The following RHPN1 variants were observed in gnomAD, a reference collection of about 807,000 sequenced individuals.
RHPN1 encodes rhophilin-1.
In RHPN1, 77 loss-of-function variants were observed where a neutral mutation model predicts 74.7. The observed-to-expected ratio is 1.03, with a 90% confidence interval of 0.86 to 1.25. The LOEUF (loss-of-function observed/expected upper bound fraction) is 1.25, where lower values mean the gene tolerates loss of function less well. RHPN1 is among the 50% of genes most tolerant of loss of function. The probability of loss-of-function intolerance (pLI) is 0.00; values close to 1 mark genes in which losing one functional copy is unlikely to be tolerated. For synonymous variants in RHPN1, 444 were observed against 414.5 expected (o/e 1.07, Z -0.87); for missense variants, 987 against 932.2 (o/e 1.06, Z -0.77).
chr8:143,381,799 C>A lies in RHPN1; in HGVS notation c.1636-8C>A. The A allele has an allele frequency of 6.2e-7, 1 of 1,611,290 alleles. No individual in the cohort carries two copies. The highest frequency in any genetic ancestry group is 8.5e-7 in the Non-Finnish European group (1 of 1,179,070). ...TGTCCCCACCTCACCGTCCAAGTCT[C>A]CCCACAGGCGGCTGGCCTGAAGGAG... On this transcript the variant is annotated splice_polypyrimidine_tract_variant and splice_region_variant and intron_variant, in intron 13 of 14. Transcript: ENST00000289013.
upstream of RHPN1, chr8:143,366,782 A>G (rs1266652490): frequency 6.6e-6 from 1 of 152,240 alleles, no homozygotes; most frequent in African/African-American, 2.4e-5. Context: ...ACAAATACGT[A>G]AGAACTGGAT....
chr8:143,374,362 G>A (rs1233080910), intron 1 of RHPN1: 2 of 969,826 alleles, frequency 2.1e-6, no homozygotes, highest in African/African-American at 1.8e-5. Context: ...AAGAGGTCCT[G>A]TCTCCCGACA....
intron 7 of RHPN1, 67 bp downstream of exon 7, chr8:143,379,145 G>A: frequency 7.0e-6 from 10 of 1,433,650 alleles, no homozygotes; most frequent in Non-Finnish European, 9.1e-6. Flanking sequence ...CCCTTTTGCA[G>A]GGCAGGAGCT....
upstream of RHPN1, among the ~76,000 whole-genome samples, chr8:143,365,506 T>G (rs1817545307): frequency 1.3e-5 from 2 of 152,196 alleles, no homozygotes; most frequent in South Asian, 4.1e-4. Flanking sequence ...GCTGGCGCTG[T>G]GAGGAGTCCT....
At chr8:143,376,315 G>A (rs897277339) in intron 2 of RHPN1, among the ~76,000 whole-genome samples, 3 of 152,332 alleles carry the variant, frequency 2.0e-5, no homozygotes, top group East Asian at 1.9e-4. Flanking sequence ...TGCTGGGGTC[G>A]GGGTGATGAA....
At chr8:143,364,841 G>A (rs1017903407), upstream of RHPN1, among the ~76,000 whole-genome samples, 4 of 152,114 alleles carry the variant, frequency 2.6e-5, no homozygotes, top group Non-Finnish European at 5.9e-5. The surrounding 1 kb of genome is among the most constrained non-coding windows in gnomAD (Gnocchi z 4.5). Context: ...TGCCCCAGCC[G>A]TCCCTCCTGT....
rs1409550594 is a variant in RHPN1, at chr8:143,379,425, G to A, written c.862G>A (p.Val288Met). 4 of 1,581,450 alleles carry A rather than the reference G, an allele frequency of 2.5e-6. No homozygotes were observed. The South Asian group carries it at 3.5e-5, about 14-fold the overall frequency. Residue 288 changes from valine to methionine, a missense_variant, in exon 8 of 15, where the codon GTG becomes ATG. Transcript: ENST00000289013. ...CATGATGGCCCAGGCCCAGGAATGT[G>A]TGTTTGAGGGCCTCTCACCACCTGC... Reference protein sequence around the residue: ...QLMMAQAQECVFEGLSPPASM... With the variant: ...QLMMAQAQECMFEGLSPPASM...
At chr8:143,377,590 G>A in intron 4 of RHPN1, 135 bp downstream of exon 4, 1 of 636,224 alleles carries the variant, frequency 1.6e-6, no homozygotes, top group Non-Finnish European at 2.7e-6. Flanking sequence ...GCTTAAAAGG[G>A]ACGCAAGGGA....
At chr8:143,380,894 A>T in intron 11 of RHPN1, 111 bp downstream of exon 11, 1 of 916,124 alleles carries the variant, frequency 1.1e-6, no homozygotes, top group Non-Finnish European at 1.6e-6. Context: ...ACGATGAATT[A>T]AACAGCAGTA....
chr8:143,366,527 A>ACACACACACG (rs1453472929), upstream of RHPN1: 1 of 150,852 alleles, frequency 6.6e-6, no homozygotes, highest in African/African-American at 2.4e-5. Context: ...ACACACACAC[A>ACACACACACG]CACACGCACA....
In RHPN1 at chr8:143,381,952, CTAGACTGCCCAGCTT is replaced by C. The variant is rs1818768336; in HGVS notation, c.1782_1796del (p.Arg595_Leu599del). ...CAGGTGGTGTCGCTGCTGCCCAGCT[CTAGACTGCCCAGCTT>C]GGTGAGCCCCTGGGGCCCCAGAGGG... On this transcript the variant is annotated inframe_deletion and splice_region_variant, in exon 14 of 15. Transcript: ENST00000289013. 3 of 1,598,572 alleles carry C rather than the reference CTAGACTGCCCAGCTT, an allele frequency of 1.9e-6. No individual in the cohort carries two copies. The highest frequency in any genetic ancestry group is 2.6e-6 in the Non-Finnish European group (3 of 1,172,444).
intron 1 of RHPN1, among the ~76,000 whole-genome samples, chr8:143,374,580 G>A (rs1377998856): frequency 1.3e-5 from 2 of 152,350 alleles, no homozygotes; most frequent in East Asian, 1.9e-4. Context: ...GCCAGCCCAC[G>A]CCTGGGAGCC....
Position 143,378,876 on chromosome 8 carries a change from C to G in RHPN1, c.585-36C>G, listed in dbSNP as rs71520515. The G allele has an allele frequency of 3.2e-6, 5 of 1,576,006 alleles. No individual in the cohort carries two copies. In the South Asian group the frequency reaches 4.7e-5, roughly 15 times the overall value. ...GGAGGGGAGGCCCAGCTGCGGGAACCGTGGGAACTCCACCCAGCCTGACCC... is the reference window on the plus strand; with the variant it reads ...GGAGGGGAGGCCCAGCTGCGGGAACGGTGGGAACTCCACCCAGCCTGACCC... On this transcript the variant is annotated intron_variant, in intron 6 of 14. Transcript: ENST00000289013.
rs750849635 is a variant in RHPN1, at chr8:143,379,882, C to T, written c.999C>T (p.His333=). ...GGACCATGGCCCAGCCACCCGTCCA[C>T]GACTACGTGCCTGTCTCCTGGACTG... The part of the protein sequence containing the change: ...VHRTMAQPPV[H]DYVPVSWTAL... Residue 333 remains histidine (H), a synonymous_variant, in exon 9 of 15, where the codon CAC becomes CAT. Transcript: ENST00000289013. 28 of 1,610,392 alleles carry T rather than the reference C, an allele frequency of 1.7e-5. No individual in the cohort carries two copies. Among genetic ancestry groups the T allele is most frequent in the Middle Eastern group, 1.6e-4 (1 of 6,074 alleles).
rs772719297 is a variant in RHPN1 at position 143,378,748 on chromosome 8, A to G, written c.512A>G (p.Tyr171Cys). The G allele has an allele frequency of 3.8e-6, 6 of 1,589,352 alleles. No individual in the cohort carries two copies. The highest frequency in any genetic ancestry group is 3.5e-5 in the Admixed American group (2 of 56,486). Residue 171 changes from tyrosine to cysteine, a missense_variant, in exon 6 of 15, where the codon TAT becomes TGT. Transcript: ENST00000289013. ...TCGGGCCTGGAGCTGCTCACAGCCT[A>G]TTACAACCAGCTGTGCTTCCTGGAT... ...NESGLELLTA[Y>C]YNQLCFLDAR...
At chr8:143,366,181 GC>G (rs1390506793), upstream of RHPN1, among the ~76,000 whole-genome samples, 11 of 151,964 alleles carry the variant, frequency 7.2e-5, no homozygotes, top group South Asian at 2.1e-3. Context: ...GCATAAAGCA[GC>G]CCCATCAGCA....
chr8:143,367,749 G>T (rs1046351019), upstream of RHPN1: 2 of 152,370 alleles, frequency 1.3e-5, no homozygotes, highest in African/African-American at 2.4e-5. Context: ...CAGTGAACGT[G>T]GACAAGACCT....
rs1367902793 is a variant in RHPN1 at position 143,380,781 on chromosome 8, A to G, written c.1409A>G (p.Gln470Arg). 8 of 1,562,974 alleles carry G rather than the reference A, an allele frequency of 5.1e-6. No homozygotes were observed. Among genetic ancestry groups the G allele is most frequent in the Non-Finnish European group, 6.9e-6 (8 of 1,151,178 alleles). The part of the protein sequence containing the change: ...FCEAAEAPDI[Q>R]PKTHQKPEAR... ...GAGGCTGCCGAGGCCCCGGACATCC[A>G]GCGTGAGCAGCCAGGGCCTGTCTGG... The change falls in exon 11 of 15, where the codon CAG becomes CGG. Residue 470 changes from glutamine (Q) to arginine (R), a missense_variant and splice_region_variant. By Grantham distance (43) the Gln-to-Arg change is conservative. Transcript: ENST00000289013.
intron 1 of RHPN1, among the ~76,000 whole-genome samples, chr8:143,369,252 C>G (rs1448277384): frequency 6.6e-6 from 1 of 152,136 alleles, no homozygotes; most frequent in Admixed American, 6.5e-5. Flanking sequence ...CCGGGAAATG[C>G]GGACAGCCAA....
Sources: gnomAD v4.1 joint callset for allele counts (sites outside exome capture counted in the v4.1 genomes callset) on GRCh38, gnomAD v4.1.1 for gene constraint, Gnocchi (gnomAD v3.1) non-coding constraint, MANE v1.5 for transcripts, NCBI Gene and HGNC (gene_info 2026-07-23, HGNC 2026-07-21) for gene names.